Variants in PDE10A observed in about 807,000 individuals in gnomAD.
PDE10A encodes cAMP and cAMP-inhibited cGMP 3',5'-cyclic phosphodiesterase 10A.
A neutral mutation model predicts 97.7 loss-of-function variants in PDE10A; 39 were observed. That is an observed-to-expected ratio of 0.40 (90% confidence interval 0.31 to 0.52). The LOEUF is 0.52. PDE10A is among the 20% of genes least tolerant of loss of function. The pLI, the probability that PDE10A is intolerant of heterozygous loss-of-function variation, is 0.56. For missense variants in PDE10A, 731 were observed against 1,047.8 expected (o/e 0.70, Z 4.17); for synonymous variants, 371 against 376.8 (o/e 0.98, Z 0.18).
intron 1 of PDE10A, among the ~76,000 whole-genome samples, chr6:165,756,578 A>T (rs1231630801): frequency 6.6e-6 from 1 of 151,950 alleles, no homozygotes; most frequent in Non-Finnish European, 1.5e-5. Context: ...CCATTTATAG[A>T]CTTCATTCTT....
chr6:165,721,925 C>T lies in PDE10A; in HGVS notation c.-614-178357G>A, dbSNP rs760163259. ...CTCTCAGAACTACTTATTACAGTCC[C>T]GCCACATCTAGCTACAAATCATTGG... is the stretch of plus-strand genomic sequence containing the variant. On this transcript the variant is annotated intron_variant, in intron 1 of 19. Coordinates refer to the PDE10A transcript ENST00000366882. Among the ~76,000 whole-genome samples, 18 of 152,218 alleles carry T rather than the reference C, an allele frequency of 1.2e-4. 1 individual carries two copies. The highest frequency in any genetic ancestry group is 2.6e-4 in the Admixed American group (4 of 15,290).
intron 1 of PDE10A, among the ~76,000 whole-genome samples, chr6:165,707,075 T>C (rs1791728099): frequency 6.6e-6 from 1 of 152,218 alleles, no homozygotes; most frequent in South Asian, 2.1e-4. Context: ...CAGGGACTAT[T>C]TTCCCATAGA....
chr6:165,361,146 T>A (rs1163753083), intron 18 of PDE10A, among the ~76,000 whole-genome samples: 1 of 152,158 alleles, frequency 6.6e-6, no homozygotes. Context: ...TTAGAAGTAA[T>A]AAATGCGTTC....
In PDE10A at chr6:165,329,993, A is replaced by G. The variant is rs558054579; in HGVS notation, c.*3032T>C. 6.6e-6 allele frequency: 1 copy of G among 152,270 alleles called. No homozygotes were observed. The highest frequency in any genetic ancestry group is 1.5e-5 in the Non-Finnish European group (1 of 68,000). 9.4% of individuals were successfully genotyped at this position (152,270 alleles called of 1,614,324 possible). On this transcript the variant is annotated 3_prime_UTR_variant, in exon 22 of 22. Transcript: ENST00000539869. ...TTGTATTTCTTTTGACCCTTTTCTA[A>G]TTAATCAATTCACATTGCCCGAATT...
chr6:165,444,075 C>G (rs1271333926), intron 5 of PDE10A, among the ~76,000 whole-genome samples: 1 of 152,140 alleles, frequency 6.6e-6, no homozygotes, highest in African/African-American at 2.4e-5. Flanking sequence ...AACACAAAAC[C>G]TTCTCTTCAT....
At chr6:165,606,277 G>A (rs1012143994) in intron 1 of PDE10A, among the ~76,000 whole-genome samples, 1 of 152,134 alleles carries the variant, frequency 6.6e-6, no homozygotes. Flanking sequence ...AGGGGCATGT[G>A]TCAGTCCGTC....
At chr6:165,630,671 G>T (rs560601758) in intron 1 of PDE10A, among the ~76,000 whole-genome samples, 17 of 152,170 alleles carry the variant, frequency 1.1e-4, no homozygotes, top group African/African-American at 3.9e-4. Flanking sequence ...GGCATATTTG[G>T]AAAAGAAAAA....
At chr6:165,838,092 G>A (rs1337796981) in intron 1 of PDE10A, among the ~76,000 whole-genome samples, 2 of 152,214 alleles carry the variant, frequency 1.3e-5, no homozygotes, top group Non-Finnish European at 2.9e-5. Context: ...GCGAGCAAAT[G>A]ATGTAAACCT....
intron 2 of PDE10A, among the ~76,000 whole-genome samples, chr6:165,542,411 C>G (rs995749825): frequency 3.3e-5 from 5 of 152,046 alleles, no homozygotes; most frequent in African/African-American, 1.2e-4. Flanking sequence ...ATAACTGCTT[C>G]TTAAACAGTC....
intron 1 of PDE10A, among the ~76,000 whole-genome samples, chr6:165,610,444 T>C (rs1315719340): frequency 6.8e-6 from 1 of 147,628 alleles, no homozygotes; most frequent in Admixed American, 7.0e-5. Context: ...GGCAGGAGAA[T>C]AGCGTGAACC....
At chr6:165,595,180 G>A (rs1305939722) in intron 1 of PDE10A, among the ~76,000 whole-genome samples, 1 of 152,160 alleles carries the variant, frequency 6.6e-6, no homozygotes, top group African/African-American at 2.4e-5. Context: ...GCAGGGGCCA[G>A]CCCTGCAGCT....
At chr6:165,628,320 A>G (rs1788477976) in intron 1 of PDE10A, among the ~76,000 whole-genome samples, 1 of 152,020 alleles carries the variant, frequency 6.6e-6, no homozygotes, top group Non-Finnish European at 1.5e-5. Flanking sequence ...CCTAAAATAG[A>G]GCGAGCATGC....
intron 1 of PDE10A, among the ~76,000 whole-genome samples, chr6:165,643,257 G>A (rs906279766): frequency 1.6e-5 from 2 of 128,802 alleles, no homozygotes; most frequent in Admixed American, 1.5e-4. Context: ...ATGGATGGAT[G>A]GATGGATGGA....
At chr6:165,561,568 G>C (rs576307126) in intron 1 of PDE10A, among the ~76,000 whole-genome samples, 49 of 152,312 alleles carry the variant, frequency 3.2e-4, no homozygotes, top group African/African-American at 1.1e-3. Flanking sequence ...TGCTGTAAAA[G>C]TGTTGCACTA....
chr6:165,972,790 C>T (rs142365591), intron 1 of PDE10A, among the ~76,000 whole-genome samples: 587 of 152,308 alleles, frequency 3.9e-3, no homozygotes, highest in Non-Finnish European at 7.0e-3. Context: ...GGCATTGGTG[C>T]TCTGTTTATT....
intron 1 of PDE10A, among the ~76,000 whole-genome samples, chr6:165,918,288 T>C (rs772352612): frequency 3.5e-4 from 53 of 152,346 alleles, no homozygotes; most frequent in Admixed American, 1.2e-3. Flanking sequence ...CCAGAGTGTA[T>C]TCTGAAACTA....
intron 1 of PDE10A, among the ~76,000 whole-genome samples, chr6:165,748,784 C>T (rs957697834): frequency 1.1e-4 from 17 of 151,260 alleles, no homozygotes; most frequent in African/African-American, 4.2e-4. Context: ...GTGTTCAAAT[C>T]AGTGCCAAAT....
intron 1 of PDE10A, among the ~76,000 whole-genome samples, chr6:165,809,533 C>G (rs573946910): frequency 6.6e-6 from 1 of 152,310 alleles, no homozygotes; most frequent in East Asian, 1.9e-4. Flanking sequence ...CATACCCACA[C>G]TGCAAGGATG....
At chr6:165,688,368 C>T (rs147735424) in intron 1 of PDE10A, among the ~76,000 whole-genome samples, 12 of 152,254 alleles carry the variant, frequency 7.9e-5, no homozygotes, top group African/African-American at 1.9e-4. Context: ...ATTTCAAATC[C>T]GAAGGTTCAT....
Sources: gnomAD v4.1 joint callset for allele counts (sites outside exome capture counted in the v4.1 genomes callset) on GRCh38, gnomAD v4.1.1 for gene constraint, MANE v1.5 for transcripts, NCBI Gene and HGNC (gene_info 2026-07-23, HGNC 2026-07-21) for gene names.